The following SERGEF variants were observed in gnomAD, a reference collection of about 807,000 sequenced individuals.
SERGEF encodes secretion-regulating guanine nucleotide exchange factor.
A neutral mutation model predicts 50.0 loss-of-function variants in SERGEF; 51 were observed. The ratio of observed to expected loss-of-function variants is 1.02; its 90% confidence interval spans 0.81 to 1.29. SERGEF has a LOEUF of 1.29. Ranked by LOEUF, SERGEF falls within the 50% of genes most tolerant of loss-of-function variation. The pLI is 0.00. For synonymous variants in SERGEF, 205 were observed against 212.4 expected (o/e 0.97, Z 0.30); for missense variants, 521 against 557.0 (o/e 0.94, Z 0.65).
intron 9 of SERGEF, among the ~76,000 whole-genome samples, chr11:17,915,280 T>C (rs1197102330): frequency 6.6e-6 from 1 of 152,208 alleles, no homozygotes; most frequent in Non-Finnish European, 1.5e-5. Context: ...TGAACTTGAC[T>C]GAATTTTGGG....
chr11:17,789,047 TC>T (rs1849436333), intron 10 of SERGEF, among the ~76,000 whole-genome samples: 1 of 152,314 alleles, frequency 6.6e-6, no homozygotes, highest in East Asian at 1.9e-4. Flanking sequence ...ACTCTTGCCC[TC>T]CCTCTTTGCA....
At chr11:17,825,594 A>C (rs937742363) in intron 10 of SERGEF, among the ~76,000 whole-genome samples, 1 of 152,178 alleles carries the variant, frequency 6.6e-6, no homozygotes, top group African/African-American at 2.4e-5. Flanking sequence ...TCTAAATTCT[A>C]TGTGCAGTTC....
intron 10 of SERGEF, among the ~76,000 whole-genome samples, chr11:17,796,145 A>C (rs935478705): frequency 2.0e-5 from 3 of 152,216 alleles, no homozygotes; most frequent in African/African-American, 4.8e-5. Context: ...AATATTTTAA[A>C]AAGCAGTAAC....
chr11:17,895,825 T>C (rs770104348), intron 9 of SERGEF, among the ~76,000 whole-genome samples: 7 of 152,322 alleles, frequency 4.6e-5, no homozygotes, highest in South Asian at 4.1e-4. Context: ...GAATAAAATA[T>C]ATATAATTTC....
intron 9 of SERGEF, among the ~76,000 whole-genome samples, chr11:17,916,329 C>T (rs1159661408): frequency 6.6e-6 from 1 of 152,170 alleles, no homozygotes; most frequent in Non-Finnish European, 1.5e-5. Context: ...TGGCTGAGTG[C>T]AGCTTTCAGT....
At chr11:17,898,938 G>A (rs769586231) in intron 9 of SERGEF, among the ~76,000 whole-genome samples, 1 of 152,064 alleles carries the variant, frequency 6.6e-6, no homozygotes, top group African/African-American at 2.4e-5. Context: ...CCACCCTCTC[G>A]GTGCTATTCT....
intron 1 of SERGEF, chr11:18,012,582 A>G: frequency 8.5e-7 from 1 of 1,174,018 alleles, no homozygotes; most frequent in Non-Finnish European, 1.1e-6. Context: ...AGGTGGCCCC[A>G]CGGAGCTCTG....
intron 9 of SERGEF, among the ~76,000 whole-genome samples, chr11:17,954,452 T>C (rs1269844610): frequency 6.6e-6 from 1 of 152,058 alleles, no homozygotes; most frequent in African/African-American, 2.4e-5. Context: ...CTGTGGAAAG[T>C]GTAGGGGCCT....
Position 17,878,234 on chromosome 11 carries a change from C to T in SERGEF, c.1022G>A (p.Gly341Asp). ...AATTATTGCCAAATTATGCTCTGAG[C>T]CACAAGAGACCTGTAAAAAAAAAAA... ...CLTGATEVSCGSEHNLAIIGG... is the reference protein window; with the variant it reads ...CLTGATEVSCDSEHNLAIIGG... Residue 341 changes from glycine (G) to aspartate (D), a missense_variant, in exon 10 of 11, where the codon GGC becomes GAC. Physicochemically the swap from Gly to Asp is moderately conservative, Grantham distance 94. Coordinates refer to ENST00000265965, the MANE Select transcript of SERGEF (RefSeq NM_012139.4). 6.4e-7 allele frequency: 1 copy of T among 1,572,920 alleles called. No homozygotes were observed. The highest frequency in any genetic ancestry group is 1.1e-5 in the South Asian group (1 of 87,298).
intron 10 of SERGEF, among the ~76,000 whole-genome samples, chr11:17,829,312 G>A (rs1162700844): frequency 6.6e-6 from 1 of 152,176 alleles, no homozygotes; most frequent in Non-Finnish European, 1.5e-5. Flanking sequence ...CTGCTAAAGT[G>A]CAGATTCCGA....
chr11:17,916,815 T>C (rs1234090340), intron 9 of SERGEF, among the ~76,000 whole-genome samples: 1 of 152,206 alleles, frequency 6.6e-6, no homozygotes, highest in Non-Finnish European at 1.5e-5. Flanking sequence ...ATCACTATCA[T>C]TTATCTGTTT....
At chr11:17,997,577 C>A (rs930646898) in intron 5 of SERGEF, among the ~76,000 whole-genome samples, 1 of 152,078 alleles carries the variant, frequency 6.6e-6, no homozygotes, top group Non-Finnish European at 1.5e-5. Context: ...ATTTGTACAC[C>A]CATGTTCATA....
chr11:17,953,924 C>T (rs904225528), intron 9 of SERGEF, among the ~76,000 whole-genome samples: 1 of 152,184 alleles, frequency 6.6e-6, no homozygotes, highest in Non-Finnish European at 1.5e-5. Flanking sequence ...TGTGTTATTT[C>T]TCCCCCTGCT....
At chr11:17,838,033 A>C (rs1590146752) in intron 10 of SERGEF, among the ~76,000 whole-genome samples, 1 of 152,330 alleles carries the variant, frequency 6.6e-6, no homozygotes, top group Non-Finnish European at 1.5e-5. Flanking sequence ...AAATAGACGA[A>C]GATAGTAACC....
chr11:17,955,585 G>A (rs572177839), intron 9 of SERGEF, among the ~76,000 whole-genome samples: 2 of 152,356 alleles, frequency 1.3e-5, no homozygotes, highest in East Asian at 3.9e-4. Flanking sequence ...TAAGGGCACA[G>A]CCATAGGGAT....
At chr11:17,903,926 A>G (rs1404801416) in intron 9 of SERGEF, among the ~76,000 whole-genome samples, 1 of 152,266 alleles carries the variant, frequency 6.6e-6, no homozygotes, top group Non-Finnish European at 1.5e-5. Flanking sequence ...ACAGCCATCA[A>G]CTATGAACAC....
intron 9 of SERGEF, 96 bp from the exon 10 acceptor site, chr11:17,878,340 T>C: frequency 1.0e-6 from 1 of 960,718 alleles, no homozygotes; most frequent in African/African-American, 1.7e-5. Context: ...ACATCCATTT[T>C]TGGCAAAATT....
intron 9 of SERGEF, among the ~76,000 whole-genome samples, chr11:17,940,746 C>T (rs1371502144): frequency 6.6e-6 from 1 of 152,068 alleles, no homozygotes; most frequent in Non-Finnish European, 1.5e-5. Flanking sequence ...GCTTGATGAT[C>T]AGTCTTACGG....
chr11:17,874,821 G>A (rs538883223), intron 10 of SERGEF, among the ~76,000 whole-genome samples: 6 of 152,118 alleles, frequency 3.9e-5, no homozygotes, highest in Non-Finnish European at 7.4e-5. Flanking sequence ...CTGAGATCTT[G>A]CCATGGACCC....
Sources: gnomAD v4.1 joint callset for allele counts (sites outside exome capture counted in the v4.1 genomes callset) on GRCh38, gnomAD v4.1.1 for gene constraint, MANE v1.5 for transcripts, NCBI Gene and HGNC (gene_info 2026-07-23, HGNC 2026-07-21) for gene names.